FBN2: variants seen among roughly 807,000 people sequenced by gnomAD.
FBN2 encodes the protein fibrillin 2, also known as fibrillin-2.
A neutral mutation model predicts 355.6 loss-of-function variants in FBN2; 105 were observed. That is an observed-to-expected ratio of 0.30 (90% CI 0.25 to 0.35). The LOEUF is 0.35. Among genes scored for constraint, FBN2 ranks in the 10% least tolerant of loss-of-function variants. The pLI is 1.00. For missense variants in FBN2, 3,280 were observed against 3,758.7 expected, an observed-to-expected ratio of 0.87 and a Z score of 3.33; for synonymous variants, 1,350 against 1,301.2, an observed-to-expected ratio of 1.04 and a Z score of -0.81.
chr5:128,469,980 A>T (rs1046203973), intron 5 of FBN2, among the ~76,000 whole-genome samples: 2 of 152,136 alleles, frequency 1.3e-5, no homozygotes, highest in African/African-American at 4.8e-5. Flanking sequence ...GAGTCATGTG[A>T]GTTGGGTAGT....
At chr5:128,510,676 T>C (rs913150279) in intron 5 of FBN2, among the ~76,000 whole-genome samples, 16 of 152,190 alleles carry the variant, frequency 1.1e-4, no homozygotes, top group Non-Finnish European at 1.5e-4. Context: ...GAATTCAGAG[T>C]CATAATCTGA....
At chr5:128,353,938 C>G (rs1248610734) in intron 20 of FBN2, among the ~76,000 whole-genome samples, 2 of 152,078 alleles carry the variant, frequency 1.3e-5, no homozygotes, top group Admixed American at 6.5e-5. Flanking sequence ...GCACCCCGCA[C>G]CCCCCTACAG....
intron 3 of FBN2, 126 bp from the exon 4 acceptor site, chr5:128,528,093 A>G (rs1439533949): frequency 2.9e-6 from 2 of 699,602 alleles, no homozygotes; most frequent in Admixed American, 4.1e-5. Context: ...AGAAGGAAAT[A>G]CTATGACCCA....
At chr5:128,442,890 G>A (rs1042393269) in intron 7 of FBN2, among the ~76,000 whole-genome samples, 2 of 152,132 alleles carry the variant, frequency 1.3e-5, no homozygotes, top group Non-Finnish European at 2.9e-5. Flanking sequence ...AGAGTCGCAG[G>A]AGAATCAAAC....
chr5:128,407,968 C>T (rs1050855040), intron 8 of FBN2, among the ~76,000 whole-genome samples: 9 of 152,196 alleles, frequency 5.9e-5, no homozygotes, highest in Non-Finnish European at 7.3e-5. Flanking sequence ...TCCTGCACTA[C>T]ATGAATCTTT....
At chr5:128,417,908 T>C (rs893239757) in intron 7 of FBN2, among the ~76,000 whole-genome samples, 2 of 152,162 alleles carry the variant, frequency 1.3e-5, no homozygotes, top group African/African-American at 4.8e-5. Context: ...TTGGAGTTAG[T>C]TCTTCTTTAT....
At chr5:128,452,655 T>C (rs975531972) in intron 6 of FBN2, among the ~76,000 whole-genome samples, 4 of 152,220 alleles carry the variant, frequency 2.6e-5, no homozygotes, top group African/African-American at 9.6e-5. Context: ...TTTCATAGCG[T>C]GTTTTTTAAC....
At chr5:128,301,355 A>G in intron 47 of FBN2, 27 bp downstream of exon 47, 1 of 1,604,480 alleles carries the variant, frequency 6.2e-7, no homozygotes, top group South Asian at 1.1e-5. Flanking sequence ...TAACACCACA[A>G]AGACTGCTTA....
intron 7 of FBN2, among the ~76,000 whole-genome samples, chr5:128,415,475 C>A (rs1753172431): frequency 6.6e-6 from 1 of 152,254 alleles, no homozygotes; most frequent in East Asian, 1.9e-4. Context: ...ATCTTCTGAA[C>A]TCATTTCACT....
intron 6 of FBN2, among the ~76,000 whole-genome samples, chr5:128,449,687 T>C (rs1478741998): frequency 3.3e-5 from 5 of 151,054 alleles, no homozygotes; most frequent in Admixed American, 2.6e-4. Context: ...AAATGACAGA[T>C]TTAAACACAA....
chr5:128,458,908 C>A (rs1312642864), intron 6 of FBN2, among the ~76,000 whole-genome samples: 1 of 151,704 alleles, frequency 6.6e-6, no homozygotes, highest in Non-Finnish European at 1.5e-5. Flanking sequence ...CAAGAGCAAA[C>A]TAATCCAAAA....
At chr5:128,306,647 C>T (rs1384043654) in intron 42 of FBN2, among the ~76,000 whole-genome samples, 1 of 151,834 alleles carries the variant, frequency 6.6e-6, no homozygotes, top group Non-Finnish European at 1.5e-5. Flanking sequence ...TATTGCTTAT[C>T]AAATCTTTGA....
At chr5:128,284,691 T>C (rs1749091763) in intron 55 of FBN2, among the ~76,000 whole-genome samples, 1 of 152,092 alleles carries the variant, frequency 6.6e-6, no homozygotes, top group African/African-American at 2.4e-5. Context: ...ATTTAGGGAG[T>C]CGTGTGGCTC....
chr5:128,360,065 G>C (rs1345664265), intron 19 of FBN2, among the ~76,000 whole-genome samples: 1 of 152,062 alleles, frequency 6.6e-6, no homozygotes, highest in Non-Finnish European at 1.5e-5. Context: ...CCCTGCTCTT[G>C]CTTTCTAAGT....
At chr5:128,435,975 A>G (rs1753758946) in intron 7 of FBN2, among the ~76,000 whole-genome samples, 1 of 152,228 alleles carries the variant, frequency 6.6e-6, no homozygotes, top group African/African-American at 2.4e-5. Context: ...AAACCTATGC[A>G]TGCAACTTTC....
intron 41 of FBN2, among the ~76,000 whole-genome samples, chr5:128,308,505 G>C (rs936707744): frequency 6.6e-6 from 1 of 152,094 alleles, no homozygotes; most frequent in Non-Finnish European, 1.5e-5. Flanking sequence ...GGTAACAAAT[G>C]CATAATCACT....
At chr5:128,356,817 T>C (rs1751514910) in intron 20 of FBN2, among the ~76,000 whole-genome samples, 3 of 152,224 alleles carry the variant, frequency 2.0e-5, no homozygotes, top group Non-Finnish European at 4.4e-5. Flanking sequence ...AAATTTATGA[T>C]TGATGGAAAA....
At chr5:128,409,911 G>A (rs1753020848) in intron 7 of FBN2, among the ~76,000 whole-genome samples, 2 of 152,104 alleles carry the variant, frequency 1.3e-5, no homozygotes, top group African/African-American at 4.8e-5. Context: ...GGTTGCCAAT[G>A]CCTTTCTTAC....
intron 7 of FBN2, among the ~76,000 whole-genome samples, chr5:128,436,257 C>T (rs1753764803): frequency 6.6e-6 from 1 of 152,178 alleles, no homozygotes; most frequent in South Asian, 2.1e-4. Flanking sequence ...GAGTTCCTAT[C>T]ACTCTTCCCC....
Sources: gnomAD v4.1 joint callset for allele counts (sites outside exome capture counted in the v4.1 genomes callset) on GRCh38, gnomAD v4.1.1 for gene constraint, MANE v1.5 for transcripts, NCBI Gene and HGNC (gene_info 2026-07-23, HGNC 2026-07-21) for gene names.